KANK1: variants seen among roughly 807,000 people sequenced by gnomAD.
KANK1 encodes the protein KN motif and ankyrin repeat domain-containing protein 1.
Under a neutral mutation model 106.2 loss-of-function variants are expected in KANK1, and 109 were observed. The observed-to-expected ratio is 1.03, with a 90% CI of 0.88 to 1.20. KANK1 has a LOEUF of 1.20. Ranked by LOEUF, KANK1 falls within the 50% of genes most tolerant of loss-of-function variation. The pLI, the probability that KANK1 is intolerant of heterozygous loss-of-function variation, is 0.00. For missense variants in KANK1, 2,399 were observed against 1,710.7 expected (o/e 1.40, Z -7.10); for synonymous variants, 873 against 652.2 (o/e 1.34, Z -5.16).
At chr9:554,643 T>G (rs1050045140) in intron 1 of KANK1, among the ~76,000 whole-genome samples, 1 of 152,198 alleles carries the variant, frequency 6.6e-6, no homozygotes, top group African/African-American at 2.4e-5. Flanking sequence ...AAAATCGGAT[T>G]CATCAAATGA....
chr9:692,478 G>A lies in KANK1; in HGVS notation c.37+15469G>A, dbSNP rs115641877. Among the ~76,000 whole-genome samples, 770 of 148,734 alleles carry A rather than the reference G, an allele frequency of 5.2e-3. 6 individuals carry two copies. Among genetic ancestry groups the A allele is most frequent in the African/African-American group, 0.018 (731 of 40,612 alleles). The stretch of plus-strand genomic sequence containing the variant: ...ACTTTACACAACAAGACCTCCATTA[G>A]TAAGAGATTTGGGTTAGATTTTTTC... On this transcript the variant is annotated intron_variant, in intron 2 of 11. Coordinates refer to ENST00000382297, the MANE Select transcript of KANK1 (RefSeq NM_015158.5).
At chr9:704,154 T>G (rs1029004891) in intron 2 of KANK1, among the ~76,000 whole-genome samples, 1 of 152,248 alleles carries the variant, frequency 6.6e-6, no homozygotes, top group Non-Finnish European at 1.5e-5. Context: ...GGGGAAGAAC[T>G]GTAGTACCTG....
At chr9:571,610 G>A in intron 1 of KANK1, among the ~76,000 whole-genome samples, 1 of 151,766 alleles carries the variant, frequency 6.6e-6, no homozygotes, top group East Asian at 1.9e-4. Context: ...AGAAAAACGT[G>A]ACTAAGATAA....
intron 3 of KANK1, among the ~76,000 whole-genome samples, chr9:722,216 G>A (rs115697965): frequency 6.6e-6 from 1 of 152,096 alleles, no homozygotes; most frequent in Non-Finnish European, 1.5e-5. Context: ...ACTAATGAAA[G>A]CACACAAGGT....
chr9:738,009 T>C (rs1043764986), intron 7 of KANK1, among the ~76,000 whole-genome samples: 25 of 152,200 alleles, frequency 1.6e-4, no homozygotes, highest in Admixed American at 1.2e-3. Flanking sequence ...TAGCAGAGCC[T>C]GCATTTGAAA....
chr9:501,641 C>CA (rs397959752), upstream of KANK1, among the ~76,000 whole-genome samples: 3 of 150,328 alleles, frequency 2.0e-5, no homozygotes, highest in African/African-American at 7.4e-5. Flanking sequence ...CACACACACA[C>CA]CCCAATTGCT....
chr9:700,405 A>G (rs1262474556), intron 2 of KANK1, among the ~76,000 whole-genome samples: 1 of 152,182 alleles, frequency 6.6e-6, no homozygotes, highest in African/African-American at 2.4e-5. Flanking sequence ...ACCCGTTCAG[A>G]AGGACGCTGT....
At chr9:565,509 A>T (rs560340953) in intron 1 of KANK1, among the ~76,000 whole-genome samples, 70 of 152,336 alleles carry the variant, frequency 4.6e-4, no homozygotes, top group African/African-American at 1.6e-3. Context: ...GTTATCACTC[A>T]AATTAATCTC....
At chr9:540,903 A>G (rs1276417917) in intron 1 of KANK1, among the ~76,000 whole-genome samples, 1 of 152,150 alleles carries the variant, frequency 6.6e-6, no homozygotes, top group African/African-American at 2.4e-5. Context: ...CTTTTAGTTC[A>G]GCTAAAGGTT....
chr9:716,945 T>C (rs1276864322), intron 3 of KANK1, among the ~76,000 whole-genome samples: 1 of 148,160 alleles, frequency 6.7e-6, no homozygotes, highest in East Asian at 2.0e-4. Context: ...ATCACACCAC[T>C]ACACTCCAGC....
At chr9:499,851 C>T (rs1394522624), upstream of KANK1, among the ~76,000 whole-genome samples, 3 of 152,124 alleles carry the variant, frequency 2.0e-5, no homozygotes, top group African/African-American at 4.8e-5. Context: ...TAGAGATGAA[C>T]ATGTATATAC....
At position 742,361 on chromosome 9, in the gene KANK1, C is replaced by G. The variant is rs370980453; in HGVS notation, c.3853C>G (p.Leu1285Val). Residue 1285 changes from leucine (L) to valine (V), a missense_variant, in exon 10 of 12, where the codon CTG becomes GTG. Leu to Val is a conservative substitution (Grantham distance 32, BLOSUM62 1). Coordinates refer to ENST00000382297, the MANE Select transcript of KANK1 (RefSeq NM_015158.5). ...SEHGHVEIVK[L>V]LLAQPGCNGH... ...GCACGGACACGTGGAGATTGTCAAG[C>G]TGCTGCTGGCCCAGCCCGGCTGCAA... 87 of 1,613,708 alleles carry G rather than the reference C, an allele frequency of 5.4e-5. No homozygotes were observed. Among genetic ancestry groups the G allele is most frequent in the Non-Finnish European group, 6.5e-5 (77 of 1,179,770 alleles).
intron 7 of KANK1, among the ~76,000 whole-genome samples, chr9:735,144 TATTTC>T (rs1374411873): frequency 2.0e-5 from 3 of 152,218 alleles, no homozygotes; most frequent in Admixed American, 1.3e-4. Context: ...TCTTTCTACA[TATTTC>T]ATTTCTATTT....
At chr9:581,546 A>T (rs1822164198) in intron 1 of KANK1, among the ~76,000 whole-genome samples, 1 of 152,186 alleles carries the variant, frequency 6.6e-6, no homozygotes, top group South Asian at 2.1e-4. Context: ...TTGCTTGGTA[A>T]TGGGTTAATT....
intron 1 of KANK1, among the ~76,000 whole-genome samples, chr9:530,743 C>T (rs1380402683): frequency 6.6e-6 from 1 of 152,146 alleles, no homozygotes; most frequent in African/African-American, 2.4e-5. Flanking sequence ...AATCCTAGCA[C>T]TTTGGAAGGC....
At chr9:509,855 G>C (rs1003625919) in intron 1 of KANK1, among the ~76,000 whole-genome samples, 7 of 152,126 alleles carry the variant, frequency 4.6e-5, no homozygotes, top group South Asian at 2.1e-4. Context: ...GGAGTGCAGT[G>C]ACAGGATCAG....
rs1312304240 is a variant in KANK1, at chr9:565,856, CG to C, written c.-84+61103del. On this transcript the variant is annotated intron_variant, in intron 1 of 11. Coordinates refer to ENST00000382297, the MANE Select transcript of KANK1 (RefSeq NM_015158.5). ...AATGGCTGGTTATCATTTATACCTA[CG>C]CTTTTAACAAAACTTTTATTTTAGG... Among the ~76,000 whole-genome samples the C allele has an allele frequency of 3.5e-4, 53 of 152,200 alleles. 1 individual carries two copies. The highest frequency in any genetic ancestry group is 6.5e-4 in the Admixed American group (10 of 15,272).
rs116571766 is a variant in KANK1, at chr9:664,153, C to A, written c.-83-12737C>A. ...TGTTAACTGTAGTTGTCCTACTGAT[C>A]TATCGAACACCAAGTCTTATTTCTT... is the stretch of plus-strand genomic sequence containing the variant. On this transcript the variant is annotated intron_variant, in intron 1 of 11. Transcript: ENST00000382297. Among the ~76,000 whole-genome samples the A allele has an allele frequency of 3.3e-3, 497 of 152,242 alleles. 2 individuals are homozygous for A. Among genetic ancestry groups the A allele is most frequent in the African/African-American group, 0.012 (485 of 41,528 alleles).
intron 1 of KANK1, among the ~76,000 whole-genome samples, chr9:669,164 G>T (rs1338438858): frequency 1.3e-5 from 2 of 152,302 alleles, no homozygotes; most frequent in Admixed American, 6.5e-5. Flanking sequence ...TCTCTTAACA[G>T]ATTGCTGTAG....
Sources: gnomAD v4.1 joint callset for allele counts (sites outside exome capture counted in the v4.1 genomes callset) on GRCh38, gnomAD v4.1.1 for gene constraint, MANE v1.5 for transcripts, NCBI Gene and HGNC (gene_info 2026-07-23, HGNC 2026-07-21) for gene names.